CMIP: variants seen among roughly 807,000 people sequenced by gnomAD.
CMIP encodes the protein C-Maf-inducing protein.
A neutral mutation model predicts 97.3 loss-of-function variants in CMIP; 13 were observed. The ratio of observed to expected loss-of-function variants is 0.13; its 90% CI spans 0.09 to 0.21. The LOEUF (loss-of-function observed/expected upper bound fraction) is 0.21, where lower values mean the gene tolerates loss of function less well. Among genes scored for constraint, CMIP ranks in the 10% least tolerant of loss-of-function variants. CMIP has a pLI of 1.00. For synonymous variants in CMIP, 538 were observed against 436.3 expected (o/e 1.23, Z -2.91); for missense variants, 847 against 1,024.9 (o/e 0.83, Z 2.37).
At chr16:81,544,318 C>T (rs2090502916) in intron 1 of CMIP, among the ~76,000 whole-genome samples, 1 of 152,210 alleles carries the variant, frequency 6.6e-6, no homozygotes, top group South Asian at 2.1e-4. Flanking sequence ...GAAAAATACT[C>T]AATTTTTTAA....
intron 1 of CMIP, among the ~76,000 whole-genome samples, chr16:81,536,177 AATTTCACGAGG>A (rs2090338953): frequency 1.3e-5 from 2 of 152,176 alleles, no homozygotes; most frequent in Non-Finnish European, 2.9e-5. Flanking sequence ...TAATTATTAA[AATTTCACGAGG>A]AGAGGCTTGT....
chr16:81,694,340 G>T (rs1044936704), intron 13 of CMIP, among the ~76,000 whole-genome samples: 3 of 152,208 alleles, frequency 2.0e-5, no homozygotes, highest in African/African-American at 7.2e-5. Flanking sequence ...CGGCAGAACA[G>T]GGGGAAGGAT....
intron 14 of CMIP, 93 bp downstream of exon 14, chr16:81,696,760 C>A: frequency 8.1e-7 from 1 of 1,232,488 alleles, no homozygotes. Context: ...CCCCTGGGGC[C>A]AGCCCCGGAG....
intron 10 of CMIP, among the ~76,000 whole-genome samples, chr16:81,686,318 A>G (rs954882228): frequency 3.3e-5 from 5 of 152,318 alleles, no homozygotes; most frequent in Admixed American, 2.6e-4. Flanking sequence ...ATACGGGGGC[A>G]TAAAGGGGTC....
intron 3 of CMIP, among the ~76,000 whole-genome samples, chr16:81,624,533 A>G (rs1254871594): frequency 2.0e-5 from 3 of 151,326 alleles, no homozygotes; most frequent in Admixed American, 6.6e-5. Context: ...CTGTGTCCCC[A>G]TTGCTTAGTT....
chr16:81,528,351 T>A (rs1057515134), intron 1 of CMIP, among the ~76,000 whole-genome samples: 1 of 152,162 alleles, frequency 6.6e-6, no homozygotes, highest in Non-Finnish European at 1.5e-5. Flanking sequence ...CAGTCCACCA[T>A]TGGTCTCATG....
chr16:81,696,382 C>A, intron 13 of CMIP, 178 bp from the exon 14 acceptor site: 1 of 663,238 alleles, frequency 1.5e-6, no homozygotes, highest in Non-Finnish European at 2.6e-6. Context: ...CGGTATTTCC[C>A]GAAAGACCTT....
At chr16:81,668,298 C>A (rs1389517226) in intron 7 of CMIP, among the ~76,000 whole-genome samples, 1 of 152,164 alleles carries the variant, frequency 6.6e-6, no homozygotes, top group African/African-American at 2.4e-5. Context: ...GCCCGAGGGG[C>A]TGGCAGTCCC....
chr16:81,673,359 A>T (rs1480042161), intron 9 of CMIP, among the ~76,000 whole-genome samples: 3 of 152,104 alleles, frequency 2.0e-5, no homozygotes, highest in Admixed American at 6.5e-5. Context: ...CTACTAAAAA[A>T]ATATAAAAAT....
chr16:81,580,677 C>T (rs991052807), intron 1 of CMIP, among the ~76,000 whole-genome samples: 43 of 152,038 alleles, frequency 2.8e-4, no homozygotes, highest in Middle Eastern at 3.2e-3. Context: ...CTCAAGTGAT[C>T]CACCCGTCTT....
chr16:81,496,059 G>A (rs527854192), intron 1 of CMIP, among the ~76,000 whole-genome samples: 1 of 152,262 alleles, frequency 6.6e-6, no homozygotes, highest in African/African-American at 2.4e-5. Flanking sequence ...CCGAGGGTGG[G>A]GCTTTGAAGA....
At chr16:81,577,825 C>T (rs111171283) in intron 1 of CMIP, among the ~76,000 whole-genome samples, 16 of 140,030 alleles carry the variant, frequency 1.1e-4, no homozygotes, top group African/African-American at 4.0e-4. Flanking sequence ...ATTACCACTA[C>T]GCTATTATCA....
intron 20 of CMIP, among the ~76,000 whole-genome samples, chr16:81,709,534 C>T (rs1908526811): frequency 6.6e-6 from 1 of 152,216 alleles, no homozygotes; most frequent in Admixed American, 6.5e-5. Context: ...GGGAACCCCG[C>T]TGCCTGGTTT....
chr16:81,451,934 G>GAGGGAGACTGTGCGCATTTTGAA (rs1906241655), intron 1 of CMIP, among the ~76,000 whole-genome samples: 1 of 152,232 alleles, frequency 6.6e-6, no homozygotes, highest in East Asian at 1.9e-4. Flanking sequence ...AACAGGCACC[G>GAGGGAGACTGTGCGCATTTTGAA]AGGGAGACTG....
intron 6 of CMIP, among the ~76,000 whole-genome samples, chr16:81,663,151 G>C (rs1189792406): frequency 1.3e-5 from 2 of 151,626 alleles, no homozygotes; most frequent in African/African-American, 2.4e-5. Flanking sequence ...TTCCCCAAAT[G>C]AGTTCAACAC....
chr16:81,693,383 A>C (rs886710032), intron 12 of CMIP, 56 bp from the exon 13 acceptor site: 1 of 1,581,620 alleles, frequency 6.3e-7, no homozygotes, highest in African/African-American at 1.4e-5. Flanking sequence ...CCCTTCCCAC[A>C]CCTCCCACTC....
At chr16:81,707,120 C>T in intron 20 of CMIP, 36 bp downstream of exon 20, 1 of 1,572,664 alleles carries the variant, frequency 6.4e-7, no homozygotes, top group Non-Finnish European at 8.8e-7. Context: ...TCCTCCCCTC[C>T]TTCTTCTAGC....
chr16:81,483,679 G>A (rs111763123), intron 1 of CMIP, among the ~76,000 whole-genome samples: 4,230 of 152,264 alleles, frequency 0.028, 82 homozygotes, highest in Non-Finnish European at 0.045. Context: ...CTGCTGCCTG[G>A]AGTAGCAGCC....
rs560220296 is a variant in CMIP at position 81,652,985 on chromosome 16, C to A, written c.639+621C>A. 3.9e-4 allele frequency among the ~76,000 whole-genome samples: 59 copies of A among 152,200 alleles called. No individual in the cohort carries two copies. Among genetic ancestry groups the A allele is most frequent in the Admixed American group, 2.5e-3 (38 of 15,292 alleles). On this transcript the variant is annotated intron_variant, in intron 4 of 20. Transcript: ENST00000537098. This position sits in a 1 kb window ranked among gnomAD's most constrained non-coding sequence, Gnocchi z 5.2. ...CCCCTACCCCCCTGGAGCTTGTGTC[C>A]CGGCAGGGGAGACAGGCAGTGAACA... is the stretch of plus-strand genomic sequence containing the variant.
Sources: gnomAD v4.1 joint callset for allele counts (sites outside exome capture counted in the v4.1 genomes callset) on GRCh38, gnomAD v4.1.1 for gene constraint, Gnocchi (gnomAD v3.1) non-coding constraint, MANE v1.5 for transcripts, NCBI Gene and HGNC (gene_info 2026-07-23, HGNC 2026-07-21) for gene names.